SLC15A1: variants seen among roughly 807,000 people sequenced by gnomAD.
SLC15A1 encodes solute carrier family 15 member 1.
A neutral mutation model predicts 92.9 loss-of-function variants in SLC15A1; 83 were observed. That is an observed-to-expected ratio of 0.89 (90% CI 0.75 to 1.07). The LOEUF (loss-of-function observed/expected upper bound fraction) is 1.07, where lower values mean the gene tolerates loss of function less well. Among genes scored for constraint, SLC15A1 ranks in the 50% least tolerant of loss-of-function variants. The pLI is 0.00. For synonymous variants in SLC15A1, 322 were observed against 318.2 expected (o/e 1.01, Z -0.13); for missense variants, 857 against 880.1 (o/e 0.97, Z 0.33).
At position 98,715,971 on chromosome 13, in the gene SLC15A1, CAGA is replaced by C. The variant is rs749361821; in HGVS notation, c.641-14_641-12del. 1.2e-6 allele frequency: 2 copies of C among 1,612,308 alleles called. No individual in the cohort carries two copies. The highest frequency in any genetic ancestry group is 1.7e-6 in the Non-Finnish European group (2 of 1,178,440). On this transcript the variant is annotated splice_polypyrimidine_tract_variant and intron_variant, in intron 8 of 22. Coordinates refer to ENST00000376503, the MANE Select transcript of SLC15A1 (RefSeq NM_005073.4). Reference sequence around the variant, plus strand: ...CAAGGACAAACACAACTAGATAGGGCAGAAGAAGACATGTCAGCAAAGCATGTG... The same window carrying C: ...CAAGGACAAACACAACTAGATAGGGCAGAAGACATGTCAGCAAAGCATGTG...
chr13:98,740,786 G>A (rs1344664124), intron 1 of SLC15A1, among the ~76,000 whole-genome samples: 3 of 152,148 alleles, frequency 2.0e-5, no homozygotes, highest in Non-Finnish European at 4.4e-5. Context: ...TGGGGTGGTG[G>A]GAAAGAGGAA....
chr13:98,751,044 T>C (rs142557105), intron 1 of SLC15A1, among the ~76,000 whole-genome samples: 2,796 of 152,240 alleles, frequency 0.018, 91 homozygotes, highest in African/African-American at 0.063. Flanking sequence ...CGTGAGCCAC[T>C]GCGCCCGGCC....
intron 18 of SLC15A1, among the ~76,000 whole-genome samples, chr13:98,698,374 G>T (rs1044622392): frequency 6.6e-6 from 1 of 152,128 alleles, no homozygotes; most frequent in African/African-American, 2.4e-5. Context: ...GCAAACAGGA[G>T]GTGAGATGAA....
At chr13:98,690,752 G>GGT (rs1353793542) in intron 18 of SLC15A1, among the ~76,000 whole-genome samples, 1 of 152,172 alleles carries the variant, frequency 6.6e-6, no homozygotes, top group African/African-American at 2.4e-5. Context: ...AGGCTGCATG[G>GGT]GTGTGGCCTT....
chr13:98,715,955 A>T lies in SLC15A1; in HGVS notation c.646T>A (p.Phe216Ile). 1 of 1,614,086 alleles carries T rather than the reference A, an allele frequency of 6.2e-7. No individual in the cohort carries two copies. Among genetic ancestry groups the T allele is most frequent in the Non-Finnish European group, 8.5e-7 (1 of 1,179,942 alleles). The change falls in exon 9 of 23, where the codon TTT becomes ATT. Residue 216 changes from phenylalanine to isoleucine, a missense_variant. By Grantham distance (21) the Phe-to-Ile change is conservative. Transcript: ENST00000376503. ...AALMAVALIV[F>I]VLGSGMYKKF... ...TTGTACATCCCACTGCCAAGGACAA[A>T]CACAACTAGATAGGGCAGAAGAAGA...
At position 98,715,376 on chromosome 13, in the gene SLC15A1, T is replaced by C. The variant is rs544720154; in HGVS notation, c.723+502A>G. Among the ~76,000 whole-genome samples, 88 of 152,346 alleles carry C rather than the reference T, an allele frequency of 5.8e-4. 2 individuals are homozygous for C. The highest frequency in any genetic ancestry group is 3.9e-3 in the South Asian group (19 of 4,826). On this transcript the variant is annotated intron_variant, in intron 9 of 22. Coordinates refer to ENST00000376503, the MANE Select transcript of SLC15A1 (RefSeq NM_005073.4). The stretch of plus-strand genomic sequence containing the variant: ...TTTTAGTATAGACAGGGTTTTGCCA[T>C]GTTGGCCAGGCTGGCCTCGAAGTCC...
At chr13:98,700,273 G>T (rs2088056072) in intron 18 of SLC15A1, among the ~76,000 whole-genome samples, 1 of 151,918 alleles carries the variant, frequency 6.6e-6, no homozygotes, top group Non-Finnish European at 1.5e-5. Context: ...GATTGCTTCA[G>T]CTCAGGAGTT....
At chr13:98,749,123 G>A (rs2088520512) in intron 1 of SLC15A1, among the ~76,000 whole-genome samples, 1 of 152,242 alleles carries the variant, frequency 6.6e-6, no homozygotes, top group African/African-American at 2.4e-5. Context: ...ATAGCTTGCA[G>A]CAGGGACACC....
intron 16 of SLC15A1, among the ~76,000 whole-genome samples, chr13:98,705,893 T>TAA (rs58621986): frequency 9.1e-5 from 13 of 142,940 alleles, no homozygotes; most frequent in African/African-American, 2.8e-4. Flanking sequence ...AGACTCCATC[T>TAA]AAAAAAAAAA....
intron 16 of SLC15A1, 98 bp downstream of exon 16, chr13:98,706,036 T>C: frequency 7.4e-7 from 1 of 1,354,258 alleles, no homozygotes; most frequent in South Asian, 1.4e-5. Flanking sequence ...TGGGCTGGCC[T>C]TGGCATTTAT....
chr13:98,736,892 G>T (rs2088399315), intron 1 of SLC15A1, among the ~76,000 whole-genome samples: 1 of 152,112 alleles, frequency 6.6e-6, no homozygotes, highest in South Asian at 2.1e-4. Context: ...TACACTGTTG[G>T]TGGGAGTGTA....
chr13:98,715,319 C>A (rs533728859), intron 9 of SLC15A1, among the ~76,000 whole-genome samples: 63 of 152,256 alleles, frequency 4.1e-4, no homozygotes, highest in African/African-American at 1.5e-3. Flanking sequence ...GGATTACAGG[C>A]ACCCGCCACC....
At chr13:98,735,552 T>C (rs1342567856) in intron 1 of SLC15A1, among the ~76,000 whole-genome samples, 1 of 152,202 alleles carries the variant, frequency 6.6e-6, no homozygotes, top group Non-Finnish European at 1.5e-5. Context: ...AGTCAAATTG[T>C]CCCTGTTTGC....
At chr13:98,687,117 T>C (rs2087935179) in intron 21 of SLC15A1, among the ~76,000 whole-genome samples, 1 of 152,006 alleles carries the variant, frequency 6.6e-6, no homozygotes, top group African/African-American at 2.4e-5. Context: ...TCAGCTAATG[T>C]GTTTTTTTAA....
intron 1 of SLC15A1, among the ~76,000 whole-genome samples, chr13:98,741,164 T>C (rs1372843353): frequency 6.6e-6 from 1 of 152,164 alleles, no homozygotes; most frequent in Non-Finnish European, 1.5e-5. Context: ...CGAGGGCCAC[T>C]CAATCCAATC....
chr13:98,684,837 A>G lies in SLC15A1; in HGVS notation c.2014T>C (p.Tyr672His). 6.2e-7 allele frequency: 1 copy of G among 1,614,134 alleles called. No homozygotes were observed. Among genetic ancestry groups the G allele is most frequent in the Non-Finnish European group, 8.5e-7 (1 of 1,180,010 alleles). ...GCTTCGATCTCCGCTGGGTTGATGT[A>G]AGTATAGAACCGAGCCATGATGGCA... Reference protein sequence around the residue: ...IFAIMARFYTYINPAEIEAQF... With the variant: ...IFAIMARFYTHINPAEIEAQF... The change falls in exon 23 of 23, where the codon TAC (tyrosine) becomes CAC (histidine). Residue 672 changes from tyrosine (Y) to histidine (H), a missense_variant. Tyr to His is a moderately conservative substitution (Grantham distance 83). Transcript: ENST00000376503.
intron 8 of SLC15A1, 49 bp from the exon 9 acceptor site, chr13:98,716,009 C>A: frequency 1.3e-6 from 2 of 1,502,150 alleles, no homozygotes; most frequent in Non-Finnish European, 9.3e-7. Context: ...GACCGAGCGC[C>A]CTGTGGCCTA....
chr13:98,715,653 T>C (rs1344399810), intron 9 of SLC15A1, among the ~76,000 whole-genome samples: 4 of 152,242 alleles, frequency 2.6e-5, no homozygotes, highest in Admixed American at 2.6e-4. Context: ...TTGCTTTTCT[T>C]TGACCATTGA....
At chr13:98,717,945 C>T (rs374642703) in intron 8 of SLC15A1, among the ~76,000 whole-genome samples, 1 of 152,000 alleles carries the variant, frequency 6.6e-6, no homozygotes, top group Non-Finnish European at 1.5e-5. Context: ...AAAACGCCAC[C>T]TTTCCTAAAA....
Sources: gnomAD v4.1 joint callset for allele counts (sites outside exome capture counted in the v4.1 genomes callset) on GRCh38, gnomAD v4.1.1 for gene constraint, MANE v1.5 for transcripts, NCBI Gene and HGNC (gene_info 2026-07-23, HGNC 2026-07-21) for gene names.